The following NBPF6 variants were observed in gnomAD, a reference collection of about 807,000 sequenced individuals.
NBPF6 encodes NBPF member 6, also known as NBPF family member NBPF6.
NBPF6 carries 2 observed loss-of-function variants against 20.8 expected under a neutral mutation model. The ratio of observed to expected loss-of-function variants is 0.10; its 90% CI spans 0.04 to 0.30. The LOEUF (loss-of-function observed/expected upper bound fraction) is 0.30, where lower values mean the gene tolerates loss of function less well. Among genes scored for constraint, NBPF6 ranks in the 10% least tolerant of loss-of-function variants. The probability of loss-of-function intolerance (pLI) is 1.00; values close to 1 mark genes in which losing one functional copy is unlikely to be tolerated. For missense variants in NBPF6, 85 were observed against 260.3 expected, an observed-to-expected ratio of 0.33 and a Z score of 4.63; for synonymous variants, 24 against 100.0, an observed-to-expected ratio of 0.24 and a Z score of 4.53.
At position 108,470,858 on chromosome 1, in the gene NBPF6, G is replaced by T; in HGVS notation, c.*220G>T. ...CAACACCTAGGGAGACCAATGCCCA[G>T]ATGGACAAATAGCATTGACTGGCGT... On this transcript the variant is annotated 3_prime_UTR_variant, in exon 15 of 15. Coordinates refer to ENST00000495380, the MANE Select transcript of NBPF6 (RefSeq NM_001143988.2). The T allele has an allele frequency of 4.7e-6, 2 of 426,722 alleles. No individual in the cohort carries two copies. Among genetic ancestry groups the T allele is most frequent in the Non-Finnish European group, 8.7e-6 (2 of 230,648 alleles). The allele number at this position is 426,722 out of a possible 1,614,324, so 26.4% of individuals were successfully genotyped here.
chr1:108,471,409 G>A lies in NBPF6; in HGVS notation c.*771G>A, dbSNP rs2101067953. 6.6e-6 allele frequency among the ~76,000 whole-genome samples: 1 copy of A among 152,338 alleles called. No homozygotes were observed. The highest frequency in any genetic ancestry group is 2.1e-4 in the South Asian group (1 of 4,832). Reference sequence around the variant, plus strand: ...CTACCTCAGCCCATCTGCAGGCAGAGAAGGCCCAGTGTGTCCATCCCCAGT... The same window carrying A: ...CTACCTCAGCCCATCTGCAGGCAGAAAAGGCCCAGTGTGTCCATCCCCAGT... On this transcript the variant is annotated 3_prime_UTR_variant, in exon 15 of 15. Coordinates refer to ENST00000495380, the MANE Select transcript of NBPF6 (RefSeq NM_001143988.2).
At position 108,471,460 on chromosome 1, in the gene NBPF6, G is replaced by T. The variant is rs1367880227; in HGVS notation, c.*822G>T. Among the ~76,000 whole-genome samples the T allele has an allele frequency of 6.6e-6, 1 of 152,158 alleles. No homozygotes were observed. The highest frequency in any genetic ancestry group is 1.5e-5 in the Non-Finnish European group (1 of 68,018). Reference sequence around the variant, plus strand: ...GCGGTGATACTAGGATGTTCACTTGGTCAAGGAGGGGTCTAGGAGCTCTGT... The same window carrying T: ...GCGGTGATACTAGGATGTTCACTTGTTCAAGGAGGGGTCTAGGAGCTCTGT... On this transcript the variant is annotated 3_prime_UTR_variant, in exon 15 of 15. Transcript: ENST00000495380.
At chr1:108,436,481 G>T in the NBPF6 span, among the ~76,000 whole-genome samples, 1 of 89,778 alleles carries the variant, frequency 1.1e-5, no homozygotes. Flanking sequence ...GCATGGTGAT[G>T]CACTCCTGTA....
chr1:108,470,831 A>G lies in NBPF6; in HGVS notation c.*193A>G. ...CACATTCCATCCCCCTCCAATTGTG[A>G]TCAACACCTAGGGAGACCAATGCCC... On this transcript the variant is annotated 3_prime_UTR_variant, in exon 15 of 15. Transcript: ENST00000495380. 4 of 488,418 alleles carry G rather than the reference A, an allele frequency of 8.2e-6. No individual in the cohort carries two copies. The highest frequency in any genetic ancestry group is 7.6e-5 in the South Asian group (3 of 39,524). 30.3% of individuals were successfully genotyped at this position (488,418 alleles called of 1,614,324 possible). A position where few individuals can be genotyped will look rare whatever the true frequency, so the allele number is the denominator to read the frequency against.
At chr1:108,448,457 G>C (rs1449023768), upstream of NBPF6, among the ~76,000 whole-genome samples, 1 of 146,558 alleles carries the variant, frequency 6.8e-6, no homozygotes, top group Admixed American at 6.7e-5. Flanking sequence ...TTCCCACACT[G>C]TTAAAGCAAG....
chr1:108,459,491 A>G (rs1351571081), intron 9 of NBPF6, among the ~76,000 whole-genome samples: 2 of 150,408 alleles, frequency 1.3e-5, no homozygotes, highest in African/African-American at 4.9e-5. Context: ...TATACCATGC[A>G]CAATATTGAG....
At position 108,470,978 on chromosome 1, in the gene NBPF6, T is replaced by C. The variant is rs191830111; in HGVS notation, c.*340T>C. On this transcript the variant is annotated 3_prime_UTR_variant, in exon 15 of 15. Coordinates refer to ENST00000495380, the MANE Select transcript of NBPF6 (RefSeq NM_001143988.2). ...CAGCCGGGACTCTGCCAGGGCAGAGTATGAGCAATGCCATGTTCTTGCTGA... is the reference window on the plus strand; with the variant it reads ...CAGCCGGGACTCTGCCAGGGCAGAGCATGAGCAATGCCATGTTCTTGCTGA... 8.9e-6 allele frequency: 2 copies of C among 224,462 alleles called. No individual in the cohort carries two copies. Among genetic ancestry groups the C allele is most frequent in the African/African-American group, 2.3e-5 (1 of 44,010 alleles). 13.9% of individuals were successfully genotyped at this position (224,462 alleles called of 1,614,324 possible).
At position 108,465,334 on chromosome 1, in the gene NBPF6, T is replaced by G. The variant is rs1311761433; in HGVS notation, c.1570T>G (p.Cys524Gly). 1 of 1,106,386 alleles carries G rather than the reference T, an allele frequency of 9.0e-7. No individual in the cohort carries two copies. The highest frequency in any genetic ancestry group is 1.2e-6 in the Non-Finnish European group (1 of 808,506). 68.5% of individuals were successfully genotyped at this position (1,106,386 alleles called of 1,614,324 possible). ...LRLQLDQGFHCGNGLAQRGLS... is the reference protein window; with the variant it reads ...LRLQLDQGFHGGNGLAQRGLS... ...ACTACAGCTGGATCAAGGGTTCCACTGTGGGAACGGCTTGGCCCAGCGGGG... is the reference window on the plus strand; with the variant it reads ...ACTACAGCTGGATCAAGGGTTCCACGGTGGGAACGGCTTGGCCCAGCGGGG... The change falls in exon 13 of 15, where the codon TGT becomes GGT. Residue 524 changes from cysteine to glycine, a missense_variant. Cys to Gly is a radical substitution (Grantham distance 159). Coordinates refer to ENST00000495380, the MANE Select transcript of NBPF6 (RefSeq NM_001143988.2).
upstream of NBPF6, among the ~76,000 whole-genome samples, chr1:108,448,473 A>G (rs1652699258): frequency 6.9e-6 from 1 of 144,748 alleles, no homozygotes; most frequent in Non-Finnish European, 1.5e-5. Flanking sequence ...GCAAGGTTGC[A>G]GACACTTCTG....
the NBPF6 span, among the ~76,000 whole-genome samples, chr1:108,429,603 A>G: frequency 6.7e-6 from 1 of 148,328 alleles, no homozygotes; most frequent in Non-Finnish European, 1.5e-5. Flanking sequence ...ATTCAGGAGC[A>G]TGTTGTTCAA....
chr1:108,451,225 A>G (rs1652823589), intron 2 of NBPF6, among the ~76,000 whole-genome samples: 1 of 50,566 alleles, frequency 2.0e-5, no homozygotes, highest in Non-Finnish European at 6.3e-5. Flanking sequence ...TGGGGGAAAC[A>G]TGGCAACTGT....
intron 14 of NBPF6, among the ~76,000 whole-genome samples, 162 bp downstream of exon 14, chr1:108,467,827 T>A (rs1222040440): frequency 6.6e-6 from 1 of 151,074 alleles, no homozygotes; most frequent in Non-Finnish European, 1.5e-5. Flanking sequence ...CCACCCTGAC[T>A]GGCCCCTTCT....
rs765650189 is a variant in NBPF6 at position 108,470,589 on chromosome 1, C to T, written c.1876-8C>T. 6.4e-6 allele frequency: 10 copies of T among 1,550,472 alleles called. No individual in the cohort carries two copies. Among genetic ancestry groups the T allele is most frequent in the South Asian group, 1.2e-5 (1 of 83,862 alleles). On this transcript the variant is annotated splice_polypyrimidine_tract_variant and splice_region_variant and intron_variant, in intron 14 of 14. Transcript: ENST00000495380. ...TCATTTGATTTTTTTTCTCTCTCTC[C>T]CCTACAGATACCAAATACTGCTGAA...
Position 108,465,380 on chromosome 1 carries a change from G to A in NBPF6, c.1616G>A (p.Ser539Asn), listed in dbSNP as rs1469914115. 2 of 927,632 alleles carry A rather than the reference G, an allele frequency of 2.2e-6. 1 individual carries two copies. 57.5% of individuals were successfully genotyped at this position (927,632 alleles called of 1,614,324 possible). ...CGGGGCCTTTCCTCCACCACCTGCAGCTTCTCAGCCAATGCTGATTCTGGG... is the reference window on the plus strand; with the variant it reads ...CGGGGCCTTTCCTCCACCACCTGCAACTTCTCAGCCAATGCTGATTCTGGG... ...AQRGLSSTTC[S>N]FSANADSGNQ... Residue 539 changes from serine (S) to asparagine (N), a missense_variant, in exon 13 of 15, where the codon AGC becomes AAC. Around this residue, in one of 5 missense-constraint regions of NBPF6, gnomAD observed 43 missense variants for 97.3 expected, o/e 0.44. Coordinates refer to ENST00000495380, the MANE Select transcript of NBPF6 (RefSeq NM_001143988.2).
intron 14 of NBPF6, among the ~76,000 whole-genome samples, chr1:108,467,927 C>T (rs1184016257): frequency 6.6e-6 from 1 of 150,920 alleles, no homozygotes; most frequent in African/African-American, 2.5e-5. Context: ...GAGAGCCAGG[C>T]CTCCTTGTCC....
the NBPF6 span, among the ~76,000 whole-genome samples, chr1:108,426,446 T>TAAATAAACAAACAAACAAAC: frequency 1.1e-5 from 1 of 88,148 alleles, no homozygotes; most frequent in African/African-American, 4.2e-5. Context: ...AATAAATAAA[T>TAAATAAACAAACAAACAAAC]AAACAAACAA....
chr1:108,447,999 A>C (rs1276048221), upstream of NBPF6, among the ~76,000 whole-genome samples: 1 of 146,718 alleles, frequency 6.8e-6, no homozygotes, highest in African/African-American at 2.5e-5. Flanking sequence ...ACCAGTGCTT[A>C]GATTATTCAT....
chr1:108,470,280 C>T (rs1261630948), intron 14 of NBPF6, among the ~76,000 whole-genome samples: 1 of 116,984 alleles, frequency 8.5e-6, no homozygotes, highest in Non-Finnish European at 1.7e-5. Context: ...AGTACATGCT[C>T]ACTGGGAGGA....
chr1:108,448,525 G>A (rs1652705564), upstream of NBPF6, among the ~76,000 whole-genome samples: 1 of 128,846 alleles, frequency 7.8e-6, no homozygotes, highest in Admixed American at 7.6e-5. Context: ...CCTCTGTCCT[G>A]GAAAATGACA....
Sources: gnomAD v4.1 joint callset for allele counts (sites outside exome capture counted in the v4.1 genomes callset) on GRCh38, gnomAD v4.1.1 for gene constraint, gnomAD v4.1.1 regional missense constraint, MANE v1.5 for transcripts, NCBI Gene and HGNC (gene_info 2026-07-23, HGNC 2026-07-21) for gene names.